The following CSNK1G3 variants were observed in gnomAD, a reference collection of about 807,000 sequenced individuals.
CSNK1G3 encodes the protein casein kinase I isoform gamma-3.
Under a neutral mutation model 64.3 loss-of-function variants are expected in CSNK1G3, and 23 were observed. That is an observed-to-expected ratio of 0.36 (90% CI 0.26 to 0.51). CSNK1G3 has a LOEUF of 0.51. CSNK1G3 is among the 20% of genes least tolerant of loss of function. CSNK1G3 has a pLI of 0.96. For missense variants in CSNK1G3, 357 were observed against 510.5 expected (o/e 0.70, Z 2.90); for synonymous variants, 158 against 162.2 (o/e 0.97, Z 0.20).
At chr5:123,561,944 T>C (rs1209221376) in intron 4 of CSNK1G3, among the ~76,000 whole-genome samples, 1 of 152,172 alleles carries the variant, frequency 6.6e-6, no homozygotes, top group African/African-American at 2.4e-5. Flanking sequence ...CTTAATTCTC[T>C]TCCAGTCCCC....
intron 6 of CSNK1G3, among the ~76,000 whole-genome samples, chr5:123,578,892 C>G (rs1789692518): frequency 6.6e-6 from 1 of 151,936 alleles, no homozygotes; most frequent in African/African-American, 2.4e-5. Context: ...TTACATTTGC[C>G]ACATTCAGTA....
At chr5:123,574,129 G>A (rs559503788) in intron 5 of CSNK1G3, among the ~76,000 whole-genome samples, 2 of 152,208 alleles carry the variant, frequency 1.3e-5, no homozygotes, top group African/African-American at 4.8e-5. Flanking sequence ...GATTACAGGC[G>A]TGAGCCACCG....
At chr5:123,545,575 T>C in exon 2 of CSNK1G3, 1 of 1,010,936 alleles carries the variant, frequency 9.9e-7, no homozygotes, top group Non-Finnish European at 1.5e-6. Context: ...CTGGTACAGT[T>C]ACCTAGTGAT....
At chr5:123,542,417 T>C (rs1781820168) in intron 1 of CSNK1G3, among the ~76,000 whole-genome samples, 1 of 152,204 alleles carries the variant, frequency 6.6e-6, no homozygotes, top group Admixed American at 6.5e-5. Context: ...TTAATACTCA[T>C]GCATTTCCTA....
chr5:123,555,984 T>C (rs1039794286), intron 3 of CSNK1G3, among the ~76,000 whole-genome samples: 4 of 152,228 alleles, frequency 2.6e-5, no homozygotes, highest in Non-Finnish European at 5.9e-5. Context: ...AGGTTAAGTT[T>C]TAACCCAATT....
At chr5:123,540,538 AT>A (rs552201888) in intron 1 of CSNK1G3, among the ~76,000 whole-genome samples, 9 of 150,584 alleles carry the variant, frequency 6.0e-5, no homozygotes, top group African/African-American at 1.5e-4. Flanking sequence ...TTCTCTTGTG[AT>A]TTTTTTTTCA....
At chr5:123,602,413 A>G (rs183710478) in intron 10 of CSNK1G3, among the ~76,000 whole-genome samples, 211 of 152,312 alleles carry the variant, frequency 1.4e-3, no homozygotes, top group Admixed American at 2.9e-3. Flanking sequence ...TGGTATTCCA[A>G]ATACCTAGAA....
At chr5:123,552,730 G>A (rs886615947) in intron 2 of CSNK1G3, among the ~76,000 whole-genome samples, 3 of 152,158 alleles carry the variant, frequency 2.0e-5, no homozygotes, top group African/African-American at 7.2e-5. Flanking sequence ...TGAAATGATA[G>A]TTGGAAGAGG....
intron 6 of CSNK1G3, among the ~76,000 whole-genome samples, chr5:123,581,623 TG>T (rs1338832694): frequency 2.0e-5 from 3 of 151,760 alleles, no homozygotes; most frequent in Non-Finnish European, 4.4e-5. Flanking sequence ...CTAGATTAGG[TG>T]TTTAGATTAG....
At chr5:123,544,222 T>C (rs1782170737) in intron 1 of CSNK1G3, among the ~76,000 whole-genome samples, 1 of 152,180 alleles carries the variant, frequency 6.6e-6, no homozygotes, top group African/African-American at 2.4e-5. Flanking sequence ...AGCCTTAGTC[T>C]CTTTTCAGTC....
intron 12 of CSNK1G3, among the ~76,000 whole-genome samples, chr5:123,607,948 A>G (rs933375717): frequency 6.6e-6 from 1 of 152,064 alleles, no homozygotes; most frequent in Admixed American, 6.6e-5. Flanking sequence ...TGTGACTAAG[A>G]AATTTGAGCA....
At position 123,613,928 on chromosome 5, in the gene CSNK1G3, G is replaced by T. The variant is rs542505713; in HGVS notation, c.1218-414G>T. Reference sequence around the variant, plus strand: ...GGAAAATGTTGACTAGTGTATATTGGAGTGTCTTTTTATTTTTGGAGTCTA... The same window carrying T: ...GGAAAATGTTGACTAGTGTATATTGTAGTGTCTTTTTATTTTTGGAGTCTA... On this transcript the variant is annotated intron_variant, in intron 12 of 12. Coordinates refer to ENST00000345990, the Ensembl canonical transcript of CSNK1G3. 2.6e-5 allele frequency among the ~76,000 whole-genome samples: 4 copies of T among 152,170 alleles called. No homozygotes were observed. In the South Asian group the frequency reaches 6.2e-4, roughly 24 times the overall value.
At chr5:123,603,011 T>C (rs1405235715) in intron 10 of CSNK1G3, among the ~76,000 whole-genome samples, 1 of 152,124 alleles carries the variant, frequency 6.6e-6, no homozygotes, top group Non-Finnish European at 1.5e-5. Flanking sequence ...TCCCAGAGTC[T>C]CATAGCTGGT....
chr5:123,580,160 T>C (rs1051863854), intron 6 of CSNK1G3, among the ~76,000 whole-genome samples: 1 of 151,940 alleles, frequency 6.6e-6, no homozygotes, highest in Non-Finnish European at 1.5e-5. Flanking sequence ...CCTCCCTGCT[T>C]TGCCTGGATC....
chr5:123,545,716 C>T (rs773905338), exon 2 of CSNK1G3: 1 of 1,613,512 alleles, frequency 6.2e-7, no homozygotes, highest in Admixed American at 1.7e-5. Flanking sequence ...ATGGCACGAC[C>T]TAGTGGTCGA....
chr5:123,536,680 TTA>T (rs1322312823), intron 1 of CSNK1G3, among the ~76,000 whole-genome samples: 2 of 152,064 alleles, frequency 1.3e-5, no homozygotes, highest in Non-Finnish European at 2.9e-5. Flanking sequence ...ATATGTACAA[TTA>T]TATGTCAAAT....
At chr5:123,616,995 A>T (rs981930089) in exon 13 of CSNK1G3, 1 of 152,188 alleles carries the variant, frequency 6.6e-6, no homozygotes, top group South Asian at 2.1e-4. Context: ...AAAAAATTAT[A>T]CTTCTCTGAA....
chr5:123,517,955 T>G (rs1020583551), intron 1 of CSNK1G3, among the ~76,000 whole-genome samples: 2 of 149,530 alleles, frequency 1.3e-5, no homozygotes, highest in East Asian at 3.9e-4. Flanking sequence ...AAAAGGAAGA[T>G]CCTGTTATTC....
intron 4 of CSNK1G3, among the ~76,000 whole-genome samples, chr5:123,562,015 A>G (rs896096972): frequency 2.6e-5 from 4 of 152,032 alleles, no homozygotes; most frequent in South Asian, 2.1e-4. Context: ...TTTTACCTCT[A>G]CCTGCACAGA....
Sources: gnomAD v4.1 joint callset for allele counts (sites outside exome capture counted in the v4.1 genomes callset) on GRCh38, gnomAD v4.1.1 for gene constraint, MANE v1.5 for transcripts, NCBI Gene and HGNC (gene_info 2026-07-23, HGNC 2026-07-21) for gene names.